Variants in DLG2 observed in about 807,000 individuals in gnomAD.
DLG2 encodes the protein disks large homolog 2.
In DLG2, 45 loss-of-function variants were observed where a neutral mutation model predicts 132.5. That is an observed-to-expected ratio of 0.34 (90% CI 0.27 to 0.44). The LOEUF is 0.44. Among genes scored for constraint, DLG2 ranks in the 20% least tolerant of loss-of-function variants. DLG2 has a pLI of 1.00. For missense variants in DLG2, 1,045 were observed against 1,196.9 expected (o/e 0.87, Z 1.87); for synonymous variants, 424 against 419.6 (o/e 1.01, Z -0.13).
chr11:83,713,013 T>C (rs960737802), intron 18 of DLG2, among the ~76,000 whole-genome samples: 3 of 152,064 alleles, frequency 2.0e-5, no homozygotes, highest in Non-Finnish European at 4.4e-5. Flanking sequence ...AATTTATTTT[T>C]TTACTAAATA....
intron 3 of DLG2, among the ~76,000 whole-genome samples, chr11:85,547,937 CT>C (rs2076432737): frequency 1.3e-5 from 2 of 152,076 alleles, no homozygotes; most frequent in Admixed American, 1.3e-4. Flanking sequence ...GAACATGCTC[CT>C]TTAACTCAGA....
At chr11:84,530,796 T>TTGTTC (rs1337900351) in intron 7 of DLG2, among the ~76,000 whole-genome samples, 1 of 152,216 alleles carries the variant, frequency 6.6e-6, no homozygotes, top group East Asian at 1.9e-4. Flanking sequence ...GGAATATAAA[T>TTGTTC]TGTTCTGCCG....
chr11:83,971,532 G>A (rs2091340549), intron 12 of DLG2, among the ~76,000 whole-genome samples: 1 of 152,072 alleles, frequency 6.6e-6, no homozygotes, highest in Non-Finnish European at 1.5e-5. Context: ...ATAATAAAGA[G>A]GAATGAGCAA....
intron 4 of DLG2, among the ~76,000 whole-genome samples, chr11:85,263,330 T>A (rs1202327635): frequency 1.3e-5 from 2 of 152,192 alleles, no homozygotes; most frequent in Admixed American, 6.5e-5. Context: ...CTGGCTCTCT[T>A]CATGGGAGAA....
chr11:84,654,394 C>T (rs76077320), intron 6 of DLG2, among the ~76,000 whole-genome samples: 1,601 of 152,258 alleles, frequency 0.011, 31 homozygotes, highest in African/African-American at 0.037. Flanking sequence ...TGCAGTCTAC[C>T]ATTGATCACT....
intron 7 of DLG2, among the ~76,000 whole-genome samples, chr11:84,283,224 C>T (rs1370578392): frequency 6.6e-6 from 1 of 152,180 alleles, no homozygotes; most frequent in Non-Finnish European, 1.5e-5. Context: ...CACATGGCAT[C>T]CCCATGAAGG....
chr11:85,240,752 C>T (rs533385796), intron 4 of DLG2, among the ~76,000 whole-genome samples: 131 of 151,874 alleles, frequency 8.6e-4, no homozygotes, highest in African/African-American at 3.1e-3. Context: ...CATTCTTGGT[C>T]AATTTATCAA....
At chr11:85,517,043 C>A (rs1182667547) in intron 3 of DLG2, among the ~76,000 whole-genome samples, 1 of 151,748 alleles carries the variant, frequency 6.6e-6, no homozygotes, top group African/African-American at 2.4e-5. Context: ...ATGAGAAAAC[C>A]AAATCCAACA....
intron 11 of DLG2, among the ~76,000 whole-genome samples, chr11:83,980,857 T>C (rs925990267): frequency 5.9e-5 from 9 of 152,200 alleles, no homozygotes; most frequent in African/African-American, 1.2e-4. Context: ...GTCAACCCCA[T>C]GTGAGTAGTT....
chr11:85,355,044 A>T (rs529749730), intron 3 of DLG2, among the ~76,000 whole-genome samples: 1 of 152,302 alleles, frequency 6.6e-6, no homozygotes, highest in East Asian at 1.9e-4. Context: ...AAATTTTGAC[A>T]ATATATTTTC....
intron 7 of DLG2, among the ~76,000 whole-genome samples, chr11:84,528,654 T>C (rs537577995): frequency 6.6e-6 from 1 of 152,334 alleles, no homozygotes; most frequent in South Asian, 2.1e-4. Flanking sequence ...TTTGCCTCCT[T>C]TTCTTCCTTT....
rs146531212 is a variant in DLG2 at position 83,518,981 on chromosome 11, C to A, written c.2193+13727G>T. Among the ~76,000 whole-genome samples the A allele has an allele frequency of 8.4e-3, 1,277 of 152,270 alleles. 19 individuals carry two copies. The highest frequency in any genetic ancestry group is 0.029 in the African/African-American group (1,220 of 41,558). ...AGTGCCAAGAGAGTACAGCTGAGCA[C>A]TGTGCAACTAGGCAAGAAAACCCAT... On this transcript the variant is annotated intron_variant, in intron 21 of 27. Transcript: ENST00000376104.
intron 15 of DLG2, among the ~76,000 whole-genome samples, chr11:83,886,054 A>C (rs946500234): frequency 6.6e-5 from 10 of 152,214 alleles, no homozygotes; most frequent in Admixed American, 2.6e-4. Flanking sequence ...CGACCAAAAT[A>C]ACCAGCTAAC....
At chr11:84,238,256 T>C (rs1374652774) in intron 8 of DLG2, among the ~76,000 whole-genome samples, 1 of 152,042 alleles carries the variant, frequency 6.6e-6, no homozygotes, top group Non-Finnish European at 1.5e-5. Flanking sequence ...GGCTTACACC[T>C]GTCATTCCAA....
At position 84,534,565 on chromosome 11, in the gene DLG2, C is replaced by G; in HGVS notation, c.519+5G>C. 1 of 1,613,466 alleles carries G rather than the reference C, an allele frequency of 6.2e-7. No homozygotes were observed. The highest frequency in any genetic ancestry group is 8.5e-7 in the Non-Finnish European group (1 of 1,179,510). The stretch of plus-strand genomic sequence containing the variant: ...CTATAAAGTCGGAAGAGCAATATAA[C>G]TGACCTTCAGAGGAGAAATATGAGA... On this transcript the variant is annotated splice_donor_5th_base_variant and intron_variant, in intron 7 of 27. Transcript: ENST00000376104.
At chr11:83,971,080 T>C (rs1434412288) in intron 12 of DLG2, among the ~76,000 whole-genome samples, 4 of 152,222 alleles carry the variant, frequency 2.6e-5, no homozygotes, top group African/African-American at 9.6e-5. Flanking sequence ...ATTACACTGA[T>C]TGGCTAGTTG....
At chr11:83,830,454 G>C (rs2054167635) in intron 17 of DLG2, among the ~76,000 whole-genome samples, 1 of 152,304 alleles carries the variant, frequency 6.6e-6, no homozygotes, top group East Asian at 1.9e-4. Context: ...AACAGAGTTA[G>C]AGAGTCTAAT....
At chr11:85,087,469 C>T (rs1475009590) in intron 6 of DLG2, among the ~76,000 whole-genome samples, 1 of 152,210 alleles carries the variant, frequency 6.6e-6, no homozygotes, top group Non-Finnish European at 1.5e-5. Flanking sequence ...CTTGAGTCTT[C>T]CAAAACTGAA....
rs569358879 is a variant in DLG2 at position 85,574,937 on chromosome 11, C to A, written c.40+23720G>T. Among the ~76,000 whole-genome samples, 25 of 152,080 alleles carry A rather than the reference C, an allele frequency of 1.6e-4. No individual in the cohort carries two copies. In the South Asian group the frequency reaches 5.0e-3, roughly 30 times the overall value. On this transcript the variant is annotated intron_variant, in intron 3 of 27. Transcript: ENST00000376104. ...CCTATCTTCAAAATCTAGAATCTAA[C>A]CACTCTCACTATTCCCACTTCTCCC...
Sources: gnomAD v4.1 joint callset for allele counts (sites outside exome capture counted in the v4.1 genomes callset) on GRCh38, gnomAD v4.1.1 for gene constraint, MANE v1.5 for transcripts, NCBI Gene and HGNC (gene_info 2026-07-23, HGNC 2026-07-21) for gene names.